Variants in FLNB observed in about 807,000 individuals in gnomAD.
FLNB encodes the protein filamin B.
A neutral mutation model predicts 250.6 loss-of-function variants in FLNB; 111 were observed. The observed-to-expected ratio is 0.44, with a 90% CI of 0.38 to 0.52. The LOEUF (loss-of-function observed/expected upper bound fraction) is 0.52. Among genes scored for constraint, FLNB ranks in the 20% least tolerant of loss-of-function variants. The pLI is 0.00. For synonymous variants in FLNB, 1,302 were observed against 1,372.1 expected, an observed-to-expected ratio of 0.95 and a Z score of 1.13; for missense variants, 2,869 against 3,447.8, an observed-to-expected ratio of 0.83 and a Z score of 4.20.
chr3:58,149,380 C>T (rs183134659), intron 36 of FLNB: 57 of 248,666 alleles, frequency 2.3e-4, no homozygotes, highest in African/African-American at 1.1e-3. Context: ...AATTCTAACC[C>T]GGGGAGAGGG....
chr3:58,035,132 C>CT (rs1255866728), intron 1 of FLNB, among the ~76,000 whole-genome samples: 2 of 152,230 alleles, frequency 1.3e-5, no homozygotes, highest in African/African-American at 4.8e-5. Flanking sequence ...TAGAAAGCCC[C>CT]TTTGTTTGAT....
chr3:58,070,110 G>A (rs2097191928), intron 1 of FLNB, among the ~76,000 whole-genome samples: 1 of 147,914 alleles, frequency 6.8e-6, no homozygotes, highest in South Asian at 2.1e-4. Context: ...GTGCAGTGGT[G>A]TGATCTCGGA....
At chr3:58,023,111 C>CTTTT (rs61047967) in intron 1 of FLNB, among the ~76,000 whole-genome samples, 7 of 97,406 alleles carry the variant, frequency 7.2e-5, no homozygotes, top group African/African-American at 3.0e-4. Flanking sequence ...CGAACTCGGC[C>CTTTT]TTTTTTTTTT....
Position 58,121,328 on chromosome 3 carries a change from C to T in FLNB, c.2951C>T (p.Pro984Leu). 1 of 1,614,150 alleles carries T rather than the reference C, an allele frequency of 6.2e-7. No homozygotes were observed. The highest frequency in any genetic ancestry group is 8.5e-7 in the Non-Finnish European group (1 of 1,180,040). The change falls in exon 20 of 46, where the codon CCC becomes CTC. Residue 984 changes from proline to leucine, a missense_variant. Transcript: ENST00000295956. ...AAGCTGGACGTGACAATCCTCAGCCCCTCTCGGAAGGTCGTGCCATGCCTA... is the reference window on the plus strand; with the variant it reads ...AAGCTGGACGTGACAATCCTCAGCCTCTCTCGGAAGGTCGTGCCATGCCTA... ...QGKLDVTILS[P>L]SRKVVPCLVT...
At chr3:58,131,297 C>G (rs2097306945) in intron 25 of FLNB, among the ~76,000 whole-genome samples, 1 of 152,148 alleles carries the variant, frequency 6.6e-6, no homozygotes, top group African/African-American at 2.4e-5. Context: ...CCATGTGGTA[C>G]ATACCAGAAC....
rs186505894 is a variant in FLNB at position 58,142,221 on chromosome 3, G to A, written c.5181+292G>A. On this transcript the variant is annotated intron_variant, in intron 30 of 45. Transcript: ENST00000295956. The surrounding 1 kb of genome is among the most constrained non-coding windows in gnomAD (Gnocchi z 4.3). ...GACAGCTGTCTGCAGCCCTCCTGCT[G>A]CCTCTCAAAGCCGCCACTTGCACAT... 3.8e-3 allele frequency among the ~76,000 whole-genome samples: 582 copies of A among 152,320 alleles called. 3 individuals are homozygous for A. Among genetic ancestry groups the A allele is most frequent in the African/African-American group, 0.013 (559 of 41,566 alleles).
chr3:58,163,115 T>C (rs1412428726), intron 42 of FLNB, 39 bp from the exon 43 acceptor site: 1 of 1,606,586 alleles, frequency 6.2e-7, no homozygotes, highest in Non-Finnish European at 8.5e-7. Context: ...GGGTGTCCAT[T>C]TGCTTGATTT....
intron 26 of FLNB, 107 bp from the exon 27 acceptor site, chr3:58,134,508 TG>T: frequency 7.7e-7 from 1 of 1,294,280 alleles, no homozygotes; most frequent in South Asian, 1.2e-5. Context: ...TCTTATCTGC[TG>T]TAGAAATCCC....
At position 58,104,014 on chromosome 3, in the gene FLNB, C is replaced by G. The variant is rs764967982; in HGVS notation, c.1539C>G (p.Phe513Leu). 3 of 1,613,530 alleles carry G rather than the reference C, an allele frequency of 1.9e-6. No homozygotes were observed. The African/African-American group carries it at 4.0e-5, about 22-fold the overall frequency. Residue 513 changes from phenylalanine (F) to leucine (L), a missense_variant, in exon 10 of 46, where the codon TTC becomes TTG. Phe to Leu is a conservative substitution (Grantham distance 22). Coordinates refer to ENST00000295956, the MANE Select transcript of FLNB (RefSeq NM_001457.4). ...ACTTTCTGGATGGGGTCTACGCATT[C>G]GAGTATTACCCCAGCACCCCGGGGA... ...QKDFLDGVYA[F>L]EYYPSTPGRY... is the part of the protein sequence containing the mutation.
At chr3:58,122,100 C>T (rs1403545512) in intron 20 of FLNB, among the ~76,000 whole-genome samples, 9 of 135,546 alleles carry the variant, frequency 6.6e-5, no homozygotes, top group Admixed American at 3.3e-4. Context: ...ACCTGGGAGG[C>T]GGAGCTTGCA....
intron 1 of FLNB, among the ~76,000 whole-genome samples, chr3:58,055,007 C>G (rs2097168033): frequency 6.6e-6 from 1 of 152,174 alleles, no homozygotes; most frequent in East Asian, 1.9e-4. Context: ...TGGCTCATGC[C>G]TGTAATTCCA....
chr3:58,028,008 A>G (rs1345217765), intron 1 of FLNB, among the ~76,000 whole-genome samples: 1 of 152,250 alleles, frequency 6.6e-6, no homozygotes, highest in Non-Finnish European at 1.5e-5. Flanking sequence ...AAGGTAACCT[A>G]GCACTACATT....
chr3:58,157,814 G>A (rs1194378277), intron 41 of FLNB, among the ~76,000 whole-genome samples: 1 of 152,150 alleles, frequency 6.6e-6, no homozygotes, highest in Non-Finnish European at 1.5e-5. Context: ...ATCCCCTCCA[G>A]GAAACTTCTG....
chr3:58,020,975 G>A (rs1394614647), intron 1 of FLNB, among the ~76,000 whole-genome samples: 20 of 152,146 alleles, frequency 1.3e-4, no homozygotes, highest in East Asian at 7.7e-4. Context: ...TAGGGAGGCC[G>A]GGGCAGGAAA....
chr3:58,073,857 G>A (rs182052292), intron 1 of FLNB, among the ~76,000 whole-genome samples: 1 of 152,304 alleles, frequency 6.6e-6, no homozygotes, highest in African/African-American at 2.4e-5. Flanking sequence ...CTGTTGCTTG[G>A]AGGCTAACCT....
chr3:58,071,021 CA>C (rs2097193663), intron 1 of FLNB, among the ~76,000 whole-genome samples: 1 of 150,498 alleles, frequency 6.6e-6, no homozygotes, highest in Admixed American at 6.6e-5. Context: ...GATCATGGTT[CA>C]CTGCAGCCTC....
intron 1 of FLNB, among the ~76,000 whole-genome samples, chr3:58,011,179 G>T (rs527377960): frequency 7.6e-4 from 116 of 152,076 alleles, no homozygotes; most frequent in African/African-American, 2.7e-3. Context: ...TCCCAAGTGC[G>T]GGGGTTACAG....
chr3:58,064,043 A>G (rs1475869939), intron 1 of FLNB, among the ~76,000 whole-genome samples: 2 of 152,072 alleles, frequency 1.3e-5, no homozygotes, highest in Non-Finnish European at 2.9e-5. Flanking sequence ...TAACGCCATT[A>G]TCTCTTTGTA....
chr3:58,100,373 A>AAATATATATATATATATATATATATAT lies in FLNB; in HGVS notation c.1345+1466_1345+1467insATATATATATATATATATATATATATA. On this transcript the variant is annotated intron_variant, in intron 8 of 45. Transcript: ENST00000295956. ...AATGATTTTACATATGTAAAAAAAA[A>AAATATATATATATATATATATATATAT]ATATATATATATTTGCAGGGGCGCG... is the stretch of plus-strand genomic sequence containing the variant. Among the ~76,000 whole-genome samples the AAATATATATATATATATATATATATAT allele has an allele frequency of 6.6e-4, 69 of 104,340 alleles. 1 individual carries two copies. The highest frequency in any genetic ancestry group is 2.5e-3 in the African/African-American group (55 of 21,906). 68.5% of individuals were successfully genotyped at this position (104,340 alleles called of 152,430 possible).
Sources: allele counts gnomAD v4.1 joint callset (sites outside exome capture counted in the v4.1 genomes callset), GRCh38; gene constraint gnomAD v4.1.1; non-coding constraint Gnocchi (gnomAD v3.1); transcripts MANE v1.5; gene names NCBI Gene and HGNC (gene_info 2026-07-23, HGNC 2026-07-21).